The following CUBN variants were observed in gnomAD, a reference collection of about 807,000 sequenced individuals.
CUBN encodes the protein cubilin.
A neutral mutation model predicts 405.3 loss-of-function variants in CUBN; 282 were observed. The ratio of observed to expected loss-of-function variants is 0.70; its 90% confidence interval spans 0.63 to 0.77. CUBN has a LOEUF of 0.77. CUBN is among the 30% of genes least tolerant of loss of function. CUBN has a pLI of 0.00. For missense variants in CUBN, 4,514 were observed against 4,475.2 expected (o/e 1.01, Z -0.25); for synonymous variants, 1,684 against 1,617.0 (o/e 1.04, Z -0.99).
chr10:16,976,555 G>A lies in CUBN; in HGVS notation c.4695+5929C>T, dbSNP rs116836653. Among the ~76,000 whole-genome samples, 1,376 of 150,918 alleles carry A rather than the reference G, an allele frequency of 9.1e-3. 23 individuals are homozygous for A. The highest frequency in any genetic ancestry group is 0.031 in the African/African-American group (1,292 of 41,076). On this transcript the variant is annotated intron_variant, in intron 31 of 66. Coordinates refer to ENST00000377833, the MANE Select transcript of CUBN (RefSeq NM_001081.4). ...CTATTTATCCTGCTTTGCTGTTTGG[G>A]TTCCTTGAGATTCTATTTTTTTAAT... is the stretch of plus-strand genomic sequence containing the variant.
chr10:16,986,322 C>T (rs1305573274), intron 29 of CUBN, among the ~76,000 whole-genome samples: 5 of 151,892 alleles, frequency 3.3e-5, no homozygotes, highest in South Asian at 2.1e-4. Context: ...TCAGCACCCC[C>T]GGCCCTTGCC....
At chr10:17,055,998 T>A (rs1447788667) in intron 22 of CUBN, among the ~76,000 whole-genome samples, 1 of 152,136 alleles carries the variant, frequency 6.6e-6, no homozygotes. Context: ...GTTTTATACT[T>A]CCAGATTTTA....
At position 16,982,734 on chromosome 10, in the gene CUBN, A is replaced by G. The variant is rs560631753; in HGVS notation, c.4526-81T>C. ...ATCCATTACCTGGTTGTATAGATCA[A>G]TACATTACTTTGCTTGAATCAGTTA... On this transcript the variant is annotated intron_variant, in intron 30 of 66. Transcript: ENST00000377833. 18 of 1,260,220 alleles carry G rather than the reference A, an allele frequency of 1.4e-5. No individual in the cohort carries two copies. The South Asian group carries it at 2.0e-4, about 14-fold the overall frequency. The allele number at this position is 1,260,220 out of a possible 1,614,324, so 78.1% of individuals were successfully genotyped here. A position where few individuals can be genotyped will look rare whatever the true frequency, so the allele number is the denominator to read the frequency against.
Position 16,899,314 on chromosome 10 carries a change from A to T in CUBN, c.8411-131T>A, listed in dbSNP as rs535485138. On this transcript the variant is annotated intron_variant, in intron 53 of 66. Coordinates refer to ENST00000377833, the MANE Select transcript of CUBN (RefSeq NM_001081.4). ...CATTTTTTACAAGTGATCATCTTCC[A>T]GTCAGGTGCACAGCAAGCTCTCTCC... 2.9e-5 allele frequency: 22 copies of T among 748,620 alleles called. No individual in the cohort carries two copies. The African/African-American group carries it at 3.4e-4, about 12-fold the overall frequency. The allele number at this position is 748,620 out of a possible 1,614,324, so 46.4% of individuals were successfully genotyped here. A position where few individuals can be genotyped will look rare whatever the true frequency, so the allele number is the denominator to read the frequency against.
At chr10:16,958,597 T>C (rs1045589923) in intron 31 of CUBN, among the ~76,000 whole-genome samples, 4 of 152,178 alleles carry the variant, frequency 2.6e-5, no homozygotes, top group African/African-American at 9.7e-5. Context: ...GTGATGAGCA[T>C]GTTATAATTT....
rs190112299 is a variant in CUBN, at chr10:16,987,207, C to G, written c.4351-2928G>C. Reference sequence around the variant, plus strand: ...AAATCAGGCAGAGTGTTTCCATGACCGAAACAATGGTCCTTCTGGCTTCCA... The same window carrying G: ...AAATCAGGCAGAGTGTTTCCATGACGGAAACAATGGTCCTTCTGGCTTCCA... On this transcript the variant is annotated intron_variant, in intron 29 of 66. Coordinates refer to ENST00000377833, the MANE Select transcript of CUBN (RefSeq NM_001081.4). Among the ~76,000 whole-genome samples, 3 of 152,206 alleles carry G rather than the reference C, an allele frequency of 2.0e-5. No individual in the cohort carries two copies. In the East Asian group the frequency reaches 5.8e-4, roughly 29 times the overall value.
intron 56 of CUBN, among the ~76,000 whole-genome samples, chr10:16,885,155 T>C (rs1840775994): frequency 6.6e-6 from 1 of 152,218 alleles, no homozygotes; most frequent in Non-Finnish European, 1.5e-5. Context: ...AATGTCAGCA[T>C]TGATATGGTT....
chr10:16,851,938 C>A (rs1839709754), intron 59 of CUBN, among the ~76,000 whole-genome samples: 1 of 124,854 alleles, frequency 8.0e-6, no homozygotes, highest in Non-Finnish European at 1.7e-5. Flanking sequence ...CTATCTTTCC[C>A]TCCCTCCATC....
chr10:17,111,173 G>C (rs1325729329), intron 8 of CUBN, 123 bp from the exon 9 acceptor site: 1 of 1,144,916 alleles, frequency 8.7e-7, no homozygotes, highest in African/African-American at 1.6e-5. Flanking sequence ...AATGAGATAT[G>C]CTTATCAGAT....
chr10:16,869,821 G>T lies in CUBN; in HGVS notation c.9269C>A (p.Ser3090Tyr), dbSNP rs758507021. The change falls in exon 59 of 67, where the codon TCC becomes TAC. Residue 3090 changes from serine to tyrosine, a missense_variant. Transcript: ENST00000377833. Reference protein sequence around the residue: ...FSDFDVVPSTSCSHDYLAIYD... With the variant: ...FSDFDVVPSTYCSHDYLAIYD... ...AATTGCCAGGTAGTCATGGGAGCAG[G>T]AGGTGGAGGGAACCACATCAAAATC... The T allele has an allele frequency of 1.2e-6, 2 of 1,613,902 alleles. No homozygotes were observed. The highest frequency in any genetic ancestry group is 2.2e-5 in the South Asian group (2 of 91,082).
At chr10:16,847,253 C>T (rs1588582136) in intron 60 of CUBN, among the ~76,000 whole-genome samples, 1 of 152,124 alleles carries the variant, frequency 6.6e-6, no homozygotes, top group South Asian at 2.1e-4. Flanking sequence ...GACATCGAGA[C>T]CATCTTGGCT....
intron 28 of CUBN, among the ~76,000 whole-genome samples, chr10:16,993,943 T>G (rs1192148441): frequency 6.6e-6 from 1 of 152,212 alleles, no homozygotes; most frequent in Non-Finnish European, 1.5e-5. Flanking sequence ...CTCTGAGGAT[T>G]AACATATCAA....
At chr10:16,986,120 G>C (rs1014687863) in intron 29 of CUBN, among the ~76,000 whole-genome samples, 1 of 152,236 alleles carries the variant, frequency 6.6e-6, no homozygotes, top group Non-Finnish European at 1.5e-5. Context: ...ATTTGTAAAA[G>C]AAAGACCATC....
chr10:17,092,591 G>A (rs889986735), intron 14 of CUBN, among the ~76,000 whole-genome samples: 14 of 152,218 alleles, frequency 9.2e-5, no homozygotes, highest in African/African-American at 2.4e-4. Context: ...ACCTCTGGTC[G>A]TCCTCACTGC....
intron 17 of CUBN, 62 bp from the exon 18 acceptor site, chr10:17,072,033 G>C: frequency 7.5e-7 from 1 of 1,331,498 alleles, no homozygotes; most frequent in Non-Finnish European, 1.1e-6. Flanking sequence ...GGCAATGGTG[G>C]CGTTACTTGG....
intron 22 of CUBN, among the ~76,000 whole-genome samples, chr10:17,055,030 T>C (rs1241357612): frequency 6.6e-6 from 1 of 152,000 alleles, no homozygotes; most frequent in East Asian, 1.9e-4. Context: ...CAAAAATCCA[T>C]AAGAAAATTT....
Position 16,847,569 on chromosome 10 carries a change from A to G in CUBN, c.9663+3666T>C, listed in dbSNP as rs570107807. On this transcript the variant is annotated intron_variant, in intron 60 of 66. Coordinates refer to ENST00000377833, the MANE Select transcript of CUBN (RefSeq NM_001081.4). The stretch of plus-strand genomic sequence containing the variant: ...ACATGTCAGTCTCCTACACTTTACT[A>G]GCAGCTCCTCAAGAAGCTTGAACTC... Among the ~76,000 whole-genome samples, 8 of 152,346 alleles carry G rather than the reference A, an allele frequency of 5.3e-5. No homozygotes were observed. In the South Asian group the frequency reaches 1.7e-3, roughly 32 times the overall value.
chr10:16,956,712 T>C (rs570342294), intron 31 of CUBN, among the ~76,000 whole-genome samples: 4 of 152,292 alleles, frequency 2.6e-5, no homozygotes, highest in African/African-American at 9.6e-5. Flanking sequence ...TCTTAGAACA[T>C]CTGTGGTTAC....
At chr10:16,852,708 A>C (rs1037894173) in intron 59 of CUBN, among the ~76,000 whole-genome samples, 1 of 152,240 alleles carries the variant, frequency 6.6e-6, no homozygotes, top group Non-Finnish European at 1.5e-5. Flanking sequence ...TACAAAATCA[A>C]GTACTTTGCA....
Sources: gnomAD v4.1 joint callset for allele counts (sites outside exome capture counted in the v4.1 genomes callset) on GRCh38, gnomAD v4.1.1 for gene constraint, MANE v1.5 for transcripts, NCBI Gene and HGNC (gene_info 2026-07-23, HGNC 2026-07-21) for gene names.